Variants in KSR2 observed in about 807,000 individuals in gnomAD.
KSR2 encodes kinase suppressor of ras 2.
In KSR2, 25 loss-of-function variants were observed where a neutral mutation model predicts 107.8. That is an observed-to-expected ratio of 0.23 (90% CI 0.17 to 0.32). The LOEUF (loss-of-function observed/expected upper bound fraction) is 0.32, where lower values mean the gene tolerates loss of function less well. Ranked by LOEUF, KSR2 falls within the 10% of genes least tolerant of loss-of-function variation. The pLI is 1.00. For synonymous variants in KSR2, 480 were observed against 507.0 expected (o/e 0.95, Z 0.71); for missense variants, 887 against 1,268.9 (o/e 0.70, Z 4.57).
Position 117,585,971 on chromosome 12 carries a change from T to G in KSR2, c.1172-3612A>C, listed in dbSNP as rs1879965003. Among the ~76,000 whole-genome samples, 3 of 152,330 alleles carry G rather than the reference T, an allele frequency of 2.0e-5. No homozygotes were observed. In the South Asian group the frequency reaches 6.2e-4, roughly 32 times the overall value. On this transcript the variant is annotated intron_variant, in intron 5 of 19. Transcript: ENST00000339824. ...TTCTCCCCTTGCACAGGTCTTGCTG[T>G]TGATGTCTTCTGAGAAATGCATCTG...
chr12:117,556,133 G>C (rs1877680061), intron 8 of KSR2, among the ~76,000 whole-genome samples: 1 of 151,582 alleles, frequency 6.6e-6, no homozygotes, highest in East Asian at 1.9e-4. Context: ...AAAGCAAGAA[G>C]CTGGTGGATT....
At chr12:117,879,345 A>T (rs2137314986) in intron 1 of KSR2, among the ~76,000 whole-genome samples, 1 of 152,350 alleles carries the variant, frequency 6.6e-6, no homozygotes, top group Non-Finnish European at 1.5e-5. Flanking sequence ...ACTAATTTAG[A>T]CATGTATTTT....
intron 3 of KSR2, among the ~76,000 whole-genome samples, chr12:117,802,324 G>C (rs550618598): frequency 6.6e-6 from 1 of 152,152 alleles, no homozygotes. Context: ...GGATGACTTT[G>C]AGCACGGCTA....
chr12:117,875,351 T>TA, intron 1 of KSR2, among the ~76,000 whole-genome samples: 1 of 144,840 alleles, frequency 6.9e-6, no homozygotes, highest in Non-Finnish European at 1.5e-5. Context: ...TTTTTTTTTT[T>TA]AAGAACGAAA....
At chr12:117,699,460 G>C (rs1411970441) in intron 4 of KSR2, among the ~76,000 whole-genome samples, 1 of 152,158 alleles carries the variant, frequency 6.6e-6, no homozygotes, top group Admixed American at 6.5e-5. Flanking sequence ...AGGTGGTAGA[G>C]CCTACTACAC....
chr12:117,824,897 A>G (rs1275788034), intron 3 of KSR2, among the ~76,000 whole-genome samples: 1 of 151,320 alleles, frequency 6.6e-6, no homozygotes, highest in Admixed American at 6.6e-5. Flanking sequence ...GTACCTGACA[A>G]AGCTGGGAGC....
Position 117,578,961 on chromosome 12 carries a change from C to T in KSR2, c.1325+158G>A, listed in dbSNP as rs184505859. Among the ~76,000 whole-genome samples the T allele has an allele frequency of 1.2e-3, 189 of 152,314 alleles. 1 individual carries two copies. Among genetic ancestry groups the T allele is most frequent in the African/African-American group, 4.4e-3 (184 of 41,566 alleles). On this transcript the variant is annotated intron_variant, in intron 7 of 19. Transcript: ENST00000339824. ...AATTGCTCTCCCTTGACCCCCTACCCAAACTTACAGGTGCATTTCCAATCT... is the reference window on the plus strand; with the variant it reads ...AATTGCTCTCCCTTGACCCCCTACCTAAACTTACAGGTGCATTTCCAATCT...
chr12:117,487,783 T>C (rs533729595), intron 14 of KSR2, among the ~76,000 whole-genome samples: 19 of 152,236 alleles, frequency 1.2e-4, no homozygotes, highest in African/African-American at 4.3e-4. Flanking sequence ...CTTCTTTCCC[T>C]CCTTACAACC....
chr12:117,537,223 C>T (rs1281608526), intron 10 of KSR2, among the ~76,000 whole-genome samples: 1 of 151,602 alleles, frequency 6.6e-6, no homozygotes. Flanking sequence ...AAAACAACAA[C>T]AACAACAAAA....
At chr12:117,789,492 C>T (rs1265914428) in intron 3 of KSR2, among the ~76,000 whole-genome samples, 1 of 152,210 alleles carries the variant, frequency 6.6e-6, no homozygotes, top group African/African-American at 2.4e-5. Flanking sequence ...ACCACGATTC[C>T]CTTTTAACTG....
chr12:117,717,712 T>TGTGTGTGCGCGCGCGCGC (rs1209120329), intron 4 of KSR2, among the ~76,000 whole-genome samples: 1 of 137,060 alleles, frequency 7.3e-6, no homozygotes, highest in African/African-American at 2.6e-5. Context: ...TGTGTGTGTG[T>TGTGTGTGCGCGCGCGCGC]GCATGCGCGC....
At chr12:117,786,180 A>G (rs1435829084) in intron 3 of KSR2, among the ~76,000 whole-genome samples, 1 of 152,166 alleles carries the variant, frequency 6.6e-6, no homozygotes, top group Non-Finnish European at 1.5e-5. Context: ...TTTTGCAGAT[A>G]AATTTTGACA....
chr12:117,860,168 T>C (rs1240823486), intron 2 of KSR2, 123 bp downstream of exon 2: 13 of 970,154 alleles, frequency 1.3e-5, no homozygotes, highest in East Asian at 2.5e-5. Flanking sequence ...CACATATTTA[T>C]TGAGAGCCTG....
chr12:117,544,796 C>T (rs938826797), intron 9 of KSR2, among the ~76,000 whole-genome samples: 6 of 152,092 alleles, frequency 3.9e-5, no homozygotes, highest in Middle Eastern at 3.2e-3. Flanking sequence ...ATTTTTATTT[C>T]TCCCTTTCCA....
intron 3 of KSR2, among the ~76,000 whole-genome samples, chr12:117,814,395 T>G (rs961902170): frequency 6.6e-6 from 1 of 151,404 alleles, no homozygotes; most frequent in Non-Finnish European, 1.5e-5. Context: ...CAATTAAAAA[T>G]AAATAAATAA....
At position 117,517,047 on chromosome 12, in the gene KSR2, C is replaced by G. The variant is rs373998243; in HGVS notation, c.2219+7805G>C. Among the ~76,000 whole-genome samples, 7 of 152,246 alleles carry G rather than the reference C, an allele frequency of 4.6e-5. No individual in the cohort carries two copies. In the South Asian group the frequency reaches 1.5e-3, roughly 32 times the overall value. ...CCCCCTCCATAGGATGTTCCATGCC[C>G]CTTCCTTTTTCCTCAGCTAGAGGCA... is the stretch of plus-strand genomic sequence containing the variant. On this transcript the variant is annotated intron_variant, in intron 14 of 19. Coordinates refer to ENST00000339824, the MANE Select transcript of KSR2 (RefSeq NM_173598.6).
Position 117,943,500 on chromosome 12 carries a change from C to CA in KSR2, c.180+24575dup, listed in dbSNP as rs35125662. Among the ~76,000 whole-genome samples, 490 of 52,918 alleles carry CA rather than the reference C, an allele frequency of 9.3e-3. 41 individuals are homozygous for CA. The highest frequency in any genetic ancestry group is 0.021 in the African/African-American group (256 of 12,412). 34.7% of individuals were successfully genotyped at this position (52,918 alleles called of 152,430 possible). On this transcript the variant is annotated intron_variant, in intron 1 of 19. Coordinates refer to ENST00000339824, the MANE Select transcript of KSR2 (RefSeq NM_173598.6). Reference sequence around the variant, plus strand: ...CCTTATGTGTCCTTATCCACCTAGCCAAAAAAAAAAAAAAAAAAAAAAAAA... The same window carrying CA: ...CCTTATGTGTCCTTATCCACCTAGCCAAAAAAAAAAAAAAAAAAAAAAAAAA...
At chr12:117,645,040 A>G (rs1398775625) in intron 5 of KSR2, among the ~76,000 whole-genome samples, 10 of 152,216 alleles carry the variant, frequency 6.6e-5, no homozygotes, top group Admixed American at 5.2e-4. Flanking sequence ...GGTTAGAGTG[A>G]TCAGTTCAGG....
intron 5 of KSR2, among the ~76,000 whole-genome samples, chr12:117,607,466 G>A (rs941102450): frequency 1.3e-5 from 2 of 152,166 alleles, no homozygotes; most frequent in Non-Finnish European, 2.9e-5. Flanking sequence ...GAACTGCCGA[G>A]TCTGCACTGC....
Sources: allele counts gnomAD v4.1 joint callset (sites outside exome capture counted in the v4.1 genomes callset), GRCh38; gene constraint gnomAD v4.1.1; transcripts MANE v1.5; gene names NCBI Gene and HGNC (gene_info 2026-07-23, HGNC 2026-07-21).